Variants in SLC25A42 observed in about 807,000 individuals in gnomAD.
SLC25A42 encodes the protein mitochondrial coenzyme A transporter SLC25A42.
A neutral mutation model predicts 34.7 loss-of-function variants in SLC25A42; 19 were observed. The ratio of observed to expected loss-of-function variants is 0.55; its 90% CI spans 0.38 to 0.80. The LOEUF (loss-of-function observed/expected upper bound fraction) is 0.80. Among genes scored for constraint, SLC25A42 ranks in the 30% least tolerant of loss-of-function variants. The probability of loss-of-function intolerance (pLI) is 0.00; values close to 1 mark genes in which losing one functional copy is unlikely to be tolerated. For missense variants in SLC25A42, 364 were observed against 441.3 expected (o/e 0.82, Z 1.57); for synonymous variants, 205 against 191.2 (o/e 1.07, Z -0.59).
intron 3 of SLC25A42, among the ~76,000 whole-genome samples, chr19:19,103,372 G>A (rs2145921616): frequency 6.6e-6 from 1 of 152,254 alleles, no homozygotes; most frequent in South Asian, 2.1e-4. Flanking sequence ...TGGGATTATG[G>A]GCATGAGTCA....
Position 19,111,050 on chromosome 19 carries a change from T to C in SLC25A42, c.*174T>C. On this transcript the variant is annotated 3_prime_UTR_variant, in exon 8 of 8. Transcript: ENST00000318596. ...CAGAGTCCACGTCCAAACGCAAAGC[T>C]GGCAGCCCTGGAAGTGCAGTGTTGG... The C allele has an allele frequency of 1.5e-6, 1 of 685,978 alleles. No homozygotes were observed. The highest frequency in any genetic ancestry group is 2.4e-6 in the Non-Finnish European group (1 of 414,912). 42.5% of individuals were successfully genotyped at this position (685,978 alleles called of 1,614,324 possible). A position where few individuals can be genotyped will look rare whatever the true frequency, so the allele number is the denominator to read the frequency against.
At position 19,105,596 on chromosome 19, in the gene SLC25A42, C is replaced by T. The variant is rs752702761; in HGVS notation, c.249C>T (p.Asn83=). The change falls in exon 5 of 8, where the codon AAC becomes AAT. Residue 83 remains asparagine, a synonymous_variant. Transcript: ENST00000318596. Reference sequence around the variant, plus strand: ...GGGTCCTCTACTACACCTACCTCAACGAGGGATTTCTCAGCTTGTGGCGCG... The same window carrying T: ...GGGTCCTCTACTACACCTACCTCAATGAGGGATTTCTCAGCTTGTGGCGCG... ...AFRVLYYTYL[N]EGFLSLWRGN... is the part of the protein sequence containing the mutation. The T allele has an allele frequency of 2.7e-5, 44 of 1,613,880 alleles. No homozygotes were observed. The highest frequency in any genetic ancestry group is 3.6e-5 in the Non-Finnish European group (42 of 1,179,964).
At chr19:19,099,229 C>T (rs550100541) in intron 2 of SLC25A42, among the ~76,000 whole-genome samples, 4 of 152,230 alleles carry the variant, frequency 2.6e-5, no homozygotes, top group Admixed American at 2.0e-4. Context: ...AGACAGCTTC[C>T]GAGAAGCTAG....
intron 1 of SLC25A42, among the ~76,000 whole-genome samples, chr19:19,092,236 CCT>C (rs2059741893): frequency 6.6e-6 from 1 of 152,204 alleles, no homozygotes; most frequent in Non-Finnish European, 1.5e-5. Flanking sequence ...CTGCACAGAC[CCT>C]TTTTCCTAAA....
At chr19:19,096,284 C>T in intron 2 of SLC25A42, 79 bp downstream of exon 2, 2 of 1,135,022 alleles carry the variant, frequency 1.8e-6, no homozygotes, top group Non-Finnish European at 2.5e-6. Context: ...CTCCCTGCCT[C>T]CTCCTCCCAG....
chr19:19,093,964 C>T (rs1307927443), intron 1 of SLC25A42, among the ~76,000 whole-genome samples: 5 of 152,248 alleles, frequency 3.3e-5, no homozygotes, highest in African/African-American at 1.2e-4. Flanking sequence ...GCGTGAGCCA[C>T]TGCGCCCAGC....
At chr19:19,084,427 A>G (rs946502541) in intron 1 of SLC25A42, among the ~76,000 whole-genome samples, 6 of 152,208 alleles carry the variant, frequency 3.9e-5, no homozygotes, top group Admixed American at 3.3e-4. Context: ...GATGTATAGC[A>G]TCACATCCCC....
Position 19,096,897 on chromosome 19 carries a change from A to T in SLC25A42, c.81+692A>T, listed in dbSNP as rs547258646. Among the ~76,000 whole-genome samples, 38 of 152,232 alleles carry T rather than the reference A, an allele frequency of 2.5e-4. No individual in the cohort carries two copies. In the South Asian group the frequency reaches 6.0e-3, roughly 24 times the overall value. Reference sequence around the variant, plus strand: ...GGTTGCAGTGAGCCAAGATTGTGCCACTGCACCCCAGCCTGAGCGACAGGG... The same window carrying T: ...GGTTGCAGTGAGCCAAGATTGTGCCTCTGCACCCCAGCCTGAGCGACAGGG... On this transcript the variant is annotated intron_variant, in intron 2 of 7. Coordinates refer to ENST00000318596, the MANE Select transcript of SLC25A42 (RefSeq NM_178526.5).
At chr19:19,075,840 C>T (rs2059653081) in intron 1 of SLC25A42, among the ~76,000 whole-genome samples, 1 of 152,200 alleles carries the variant, frequency 6.6e-6, no homozygotes, top group Admixed American at 6.5e-5. Flanking sequence ...GTCAACTCTG[C>T]CCTGCAGTCT....
intron 1 of SLC25A42, 129 bp downstream of exon 1, chr19:19,064,244 TG>T: frequency 7.7e-6 from 1 of 130,416 alleles, no homozygotes; most frequent in Non-Finnish European, 1.6e-5. Context: ...TACTGCCCCC[TG>T]GGGGCTACTG....
chr19:19,070,030 A>G (rs546890593), intron 1 of SLC25A42, among the ~76,000 whole-genome samples: 26 of 151,556 alleles, frequency 1.7e-4, no homozygotes, highest in East Asian at 2.0e-4. Context: ...GTCTTGCTCT[A>G]TCGCCCAGGC....
intron 2 of SLC25A42, 129 bp from the exon 3 acceptor site, chr19:19,101,652 C>G: frequency 1.3e-6 from 1 of 752,778 alleles, no homozygotes. Flanking sequence ...CAAGCAAGGC[C>G]AACATACTCA....
At chr19:19,106,184 G>C in intron 5 of SLC25A42, 85 bp from the exon 6 acceptor site, 1 of 1,177,842 alleles carries the variant, frequency 8.5e-7, no homozygotes, top group Non-Finnish European at 1.2e-6. Context: ...CGCCCCAGCA[G>C]AGACGTGCGG....
intron 1 of SLC25A42, among the ~76,000 whole-genome samples, chr19:19,095,196 G>C (rs2059757838): frequency 7.6e-6 from 1 of 130,834 alleles, no homozygotes; most frequent in Non-Finnish European, 1.6e-5. Context: ...GGGAGATTCT[G>C]TCAAAGCAAA....
At chr19:19,101,677 C>A in intron 2 of SLC25A42, 104 bp from the exon 3 acceptor site, 9 of 1,006,884 alleles carry the variant, frequency 8.9e-6, no homozygotes, top group Non-Finnish European at 1.3e-5. Flanking sequence ...GGGGTACATC[C>A]CTCGGCCCCG....
intron 1 of SLC25A42, among the ~76,000 whole-genome samples, chr19:19,091,900 G>A (rs2059740008): frequency 2.0e-5 from 3 of 152,192 alleles, no homozygotes; most frequent in Admixed American, 2.0e-4. Flanking sequence ...ACAACAAAAA[G>A]AATGTCATGA....
At chr19:19,075,689 T>C (rs2145901031) in intron 1 of SLC25A42, among the ~76,000 whole-genome samples, 1 of 152,314 alleles carries the variant, frequency 6.6e-6, no homozygotes, top group African/African-American at 2.4e-5. Flanking sequence ...ACCCATCCTA[T>C]GCTGACTGAA....
intron 3 of SLC25A42, 122 bp downstream of exon 3, chr19:19,102,008 T>G (rs1288634807): frequency 1.0e-5 from 7 of 684,742 alleles, no homozygotes; most frequent in Non-Finnish European, 1.7e-5. Context: ...AATAAGGTTT[T>G]TTGTTGTTTT....
chr19:19,106,482 T>C, intron 6 of SLC25A42, 97 bp downstream of exon 6: 1 of 969,466 alleles, frequency 1.0e-6, no homozygotes, highest in Non-Finnish European at 1.5e-6. Flanking sequence ...CCCCAGGGGT[T>C]TGCATCTGGG....
Sources: gnomAD v4.1 joint callset for allele counts (sites outside exome capture counted in the v4.1 genomes callset) on GRCh38, gnomAD v4.1.1 for gene constraint, MANE v1.5 for transcripts, NCBI Gene and HGNC (gene_info 2026-07-23, HGNC 2026-07-21) for gene names.